ATOSA: variants seen among roughly 807,000 people sequenced by gnomAD.
ATOSA encodes atos homolog protein A.
chr15:52,595,501 A>G, the ATOSA span, among the ~76,000 whole-genome samples: 4 of 152,084 alleles, frequency 2.6e-5, no homozygotes, highest in African/African-American at 9.7e-5. Flanking sequence ...TAAATTTAAT[A>G]TACAAGCATA....
chr15:52,702,329 T>G, the ATOSA span, among the ~76,000 whole-genome samples: 1 of 152,106 alleles, frequency 6.6e-6, no homozygotes, highest in African/African-American at 2.4e-5. Flanking sequence ...CATGGCACTA[T>G]TCACAATAGC....
At chr15:52,591,917 G>C in the ATOSA span, among the ~76,000 whole-genome samples, 2 of 152,126 alleles carry the variant, frequency 1.3e-5, no homozygotes, top group Admixed American at 1.3e-4. Context: ...CCACAGATGT[G>C]AACGTTGTTG....
the ATOSA span, chr15:52,656,503 G>A: frequency 6.6e-6 from 1 of 152,008 alleles, no homozygotes; most frequent in Non-Finnish European, 1.5e-5. Flanking sequence ...ATGCTAAAAA[G>A]TACCTAAGAG....
chr15:52,621,445 T>C, the ATOSA span, among the ~76,000 whole-genome samples: 1 of 152,246 alleles, frequency 6.6e-6, no homozygotes, highest in South Asian at 2.1e-4. Context: ...TGTCATATAT[T>C]TTTAATTAAT....
chr15:52,635,211 A>T, the ATOSA span, among the ~76,000 whole-genome samples: 1 of 152,220 alleles, frequency 6.6e-6, no homozygotes, highest in Non-Finnish European at 1.5e-5. Flanking sequence ...TGGAGGTTTC[A>T]ACATACCCTT....
chr15:52,662,063 G>A, the ATOSA span, among the ~76,000 whole-genome samples: 7,515 of 152,158 alleles, frequency 0.049, 344 homozygotes, highest in East Asian at 0.25. Flanking sequence ...AAAGAGGTTG[G>A]TGATTATTCA....
At chr15:52,654,936 A>G in the ATOSA span, among the ~76,000 whole-genome samples, 1 of 151,906 alleles carries the variant, frequency 6.6e-6, no homozygotes, top group South Asian at 2.1e-4. Context: ...ATTACTAAAT[A>G]TATGTATCAT....
the ATOSA span, among the ~76,000 whole-genome samples, chr15:52,607,457 C>T: frequency 6.6e-6 from 1 of 152,150 alleles, no homozygotes; most frequent in African/African-American, 2.4e-5. Flanking sequence ...AGGACTTGTA[C>T]AGTCCACAAA....
At chr15:52,661,495 A>G in the ATOSA span, among the ~76,000 whole-genome samples, 1 of 152,194 alleles carries the variant, frequency 6.6e-6, no homozygotes, top group South Asian at 2.1e-4. Context: ...CAACTGTAAA[A>G]ATGAAAGAAA....
the ATOSA span, among the ~76,000 whole-genome samples, chr15:52,663,334 T>A: frequency 3.3e-5 from 5 of 152,220 alleles, no homozygotes; most frequent in Admixed American, 3.3e-4. Flanking sequence ...TGACCTTTGA[T>A]AGTAAACATT....
the ATOSA span, among the ~76,000 whole-genome samples, chr15:52,702,435 A>G: frequency 6.6e-6 from 1 of 152,188 alleles, no homozygotes; most frequent in African/African-American, 2.4e-5. Flanking sequence ...CATAAAAAGA[A>G]AACAAAATCA....
chr15:52,644,158 A>G, the ATOSA span, among the ~76,000 whole-genome samples: 23 of 151,898 alleles, frequency 1.5e-4, no homozygotes, highest in Admixed American at 1.5e-3. Flanking sequence ...CCTGGCCTCA[A>G]GCAATCCTCC....
the ATOSA span, among the ~76,000 whole-genome samples, chr15:52,621,960 T>C: frequency 1.3e-5 from 2 of 152,138 alleles, no homozygotes; most frequent in East Asian, 3.9e-4. Flanking sequence ...AGCAATTCTC[T>C]TGCTTCAGCG....
the ATOSA span, among the ~76,000 whole-genome samples, chr15:52,626,467 T>C: frequency 6.6e-6 from 1 of 150,568 alleles, no homozygotes; most frequent in East Asian, 1.9e-4. Context: ...AAACTAAACT[T>C]GATCCCTTTA....
At chr15:52,657,182 T>C in the ATOSA span, 2 of 152,206 alleles carry the variant, frequency 1.3e-5, no homozygotes, top group East Asian at 1.9e-4. Flanking sequence ...TGTTTTTTTT[T>C]CCACAATTAC....
the ATOSA span, among the ~76,000 whole-genome samples, chr15:52,660,922 G>A: frequency 4.0e-4 from 61 of 152,188 alleles, 1 homozygote; most frequent in Admixed American, 3.2e-3. Context: ...CCAAAGTACC[G>A]GGATTACAGG....
chr15:52,680,266 CT>C, the ATOSA span, among the ~76,000 whole-genome samples: 2 of 152,162 alleles, frequency 1.3e-5, no homozygotes, highest in African/African-American at 2.4e-5. Flanking sequence ...CTAACAAGCG[CT>C]GCAGCTATTA....
the ATOSA span, among the ~76,000 whole-genome samples, chr15:52,687,767 A>G: frequency 6.6e-6 from 1 of 152,178 alleles, no homozygotes; most frequent in Non-Finnish European, 1.5e-5. Flanking sequence ...CGTTAGCCCC[A>G]GTCTTCATTC....
chr15:52,629,500 G>C, the ATOSA span, among the ~76,000 whole-genome samples: 1 of 150,104 alleles, frequency 6.7e-6, no homozygotes, highest in Admixed American at 6.6e-5. Context: ...TGGAGGTAAG[G>C]GTAGTTAAAA....
Sources: gnomAD v4.1 joint callset for allele counts (sites outside exome capture counted in the v4.1 genomes callset) on GRCh38, gnomAD v4.1.1 for gene constraint, MANE v1.5 for transcripts, NCBI Gene and HGNC (gene_info 2026-07-23, HGNC 2026-07-21) for gene names.